Variants in RBMS3 observed in about 807,000 individuals in gnomAD.
RBMS3 encodes the protein RNA binding motif single stranded interacting protein 3, also known as RNA-binding motif, single-stranded-interacting protein 3.
Under a neutral mutation model 66.8 loss-of-function variants are expected in RBMS3, and 27 were observed. The ratio of observed to expected loss-of-function variants is 0.40; its 90% CI spans 0.30 to 0.56. The LOEUF (loss-of-function observed/expected upper bound fraction) is 0.56. RBMS3 is among the 20% of genes least tolerant of loss of function. RBMS3 has a pLI of 0.40. For missense variants in RBMS3, 513 were observed against 549.5 expected, an observed-to-expected ratio of 0.93 and a Z score of 0.66; for synonymous variants, 188 against 183.0, an observed-to-expected ratio of 1.03 and a Z score of -0.22.
At chr3:29,521,615 G>T (rs2044859927) in intron 3 of RBMS3, among the ~76,000 whole-genome samples, 1 of 152,162 alleles carries the variant, frequency 6.6e-6, no homozygotes, top group Non-Finnish European at 1.5e-5. Flanking sequence ...TAAAAATTTT[G>T]TTTGCTACTT....
At chr3:29,495,470 G>C (rs1378187605) in intron 3 of RBMS3, among the ~76,000 whole-genome samples, 1 of 147,758 alleles carries the variant, frequency 6.8e-6, no homozygotes. Flanking sequence ...ACCCAGGCTG[G>C]AGTGCAGTGG....
intron 4 of RBMS3, among the ~76,000 whole-genome samples, chr3:29,656,129 T>C (rs1180734192): frequency 2.0e-5 from 3 of 152,094 alleles, no homozygotes; most frequent in Non-Finnish European, 4.4e-5. Context: ...ATAAGGTTAA[T>C]TTATTATTGA....
intron 4 of RBMS3, among the ~76,000 whole-genome samples, chr3:29,630,214 A>G (rs1175655436): frequency 6.6e-6 from 1 of 152,064 alleles, no homozygotes; most frequent in Non-Finnish European, 1.5e-5. Context: ...AATGTAGAGT[A>G]GGACTTTCAT....
intron 14 of RBMS3, 188 bp downstream of exon 14, chr3:29,991,397 T>G (rs762109658): frequency 1.2e-5 from 10 of 864,120 alleles, no homozygotes; most frequent in African/African-American, 3.4e-5. Context: ...CTTCTGATCT[T>G]GACAGGAATC....
rs1328328415 is a variant in RBMS3 at position 29,940,771 on chromosome 3, AG to A, written c.1051-3435del. Among the ~76,000 whole-genome samples, 25 of 147,940 alleles carry A rather than the reference AG, an allele frequency of 1.7e-4. 1 individual carries two copies. The South Asian group carries it at 4.1e-3, about 24-fold the overall frequency. On this transcript the variant is annotated intron_variant, in intron 11 of 14. Transcript: ENST00000383767. ...ATCTGCAGGCCTCAAAAAAAAAAAAAGTGCATCTTATGCAAGCAGTGTAACT... is the reference window on the plus strand; with the variant it reads ...ATCTGCAGGCCTCAAAAAAAAAAAAATGCATCTTATGCAAGCAGTGTAACT...
chr3:29,915,837 C>A (rs2060625433), intron 10 of RBMS3, among the ~76,000 whole-genome samples: 1 of 151,954 alleles, frequency 6.6e-6, no homozygotes, highest in African/African-American at 2.4e-5. Context: ...AGAAAAGAAG[C>A]AAGAAACGTA....
At chr3:29,579,142 A>T (rs1245175679) in intron 3 of RBMS3, among the ~76,000 whole-genome samples, 1 of 152,130 alleles carries the variant, frequency 6.6e-6, no homozygotes. Context: ...TGTAGAATTC[A>T]CTTTTCTTCT....
At chr3:29,695,239 AAACT>A (rs2052211481) in intron 4 of RBMS3, among the ~76,000 whole-genome samples, 1 of 152,194 alleles carries the variant, frequency 6.6e-6, no homozygotes, top group Non-Finnish European at 1.5e-5. Context: ...AGGATAAATA[AAACT>A]AACAAATTTT....
chr3:30,010,157 A>G lies in RBMS3; in HGVS notation c.*6295A>G, dbSNP rs1195200471. The G allele has an allele frequency of 1.3e-5, 2 of 151,786 alleles. No homozygotes were observed. Among genetic ancestry groups the G allele is most frequent in the Non-Finnish European group, 2.9e-5 (2 of 67,958 alleles). The allele number at this position is 151,786 out of a possible 1,614,324, so 9.4% of individuals were successfully genotyped here. Reference sequence around the variant, plus strand: ...TCATGGAACTTCTGAAACATCATTCAATTTTGAACTTTATTTAAGAGCATT... The same window carrying G: ...TCATGGAACTTCTGAAACATCATTCGATTTTGAACTTTATTTAAGAGCATT... On this transcript the variant is annotated 3_prime_UTR_variant, in exon 15 of 15. Coordinates refer to ENST00000383767, the MANE Select transcript of RBMS3 (RefSeq NM_001003793.3).
chr3:29,564,817 A>T (rs925897649), intron 3 of RBMS3, among the ~76,000 whole-genome samples: 6 of 152,156 alleles, frequency 3.9e-5, no homozygotes, highest in African/African-American at 1.4e-4. Flanking sequence ...CAGCTTAGGC[A>T]GGTCAGTTTC....
Position 29,324,423 on chromosome 3 carries a change from G to A in RBMS3, c.75+42667G>A, listed in dbSNP as rs182954317. 5.3e-5 allele frequency among the ~76,000 whole-genome samples: 8 copies of A among 152,312 alleles called. No individual in the cohort carries two copies. In the East Asian group the frequency reaches 1.3e-3, roughly 26 times the overall value. On this transcript the variant is annotated intron_variant, in intron 1 of 14. Transcript: ENST00000383767. ...GATTAACATTTGCCTCAAGAGCCAGGTCTTCTCATGTAATTGGTTCTCTTT... is the reference window on the plus strand; with the variant it reads ...GATTAACATTTGCCTCAAGAGCCAGATCTTCTCATGTAATTGGTTCTCTTT...
At chr3:29,817,848 AAC>A (rs2057957931) in intron 6 of RBMS3, among the ~76,000 whole-genome samples, 1 of 152,088 alleles carries the variant, frequency 6.6e-6, no homozygotes, top group African/African-American at 2.4e-5. Flanking sequence ...TTGTAGTTTC[AAC>A]AGTCTACTTC....
chr3:29,524,176 G>T (rs1401472804), intron 3 of RBMS3, among the ~76,000 whole-genome samples: 1 of 152,040 alleles, frequency 6.6e-6, no homozygotes, highest in Non-Finnish European at 1.5e-5. Context: ...GAAGAAACAG[G>T]TTCATATACC....
chr3:29,455,485 G>A (rs1031956596), intron 2 of RBMS3, among the ~76,000 whole-genome samples: 1 of 152,120 alleles, frequency 6.6e-6, no homozygotes, highest in Non-Finnish European at 1.5e-5. Context: ...AAAGTGTAGG[G>A]TAAGATTCCC....
At position 29,595,998 on chromosome 3, in the gene RBMS3, C is replaced by T. The variant is rs115679594; in HGVS notation, c.399+8793C>T. Among the ~76,000 whole-genome samples the T allele has an allele frequency of 4.1e-3, 627 of 152,174 alleles. 3 individuals are homozygous for T. Among genetic ancestry groups the T allele is most frequent in the African/African-American group, 0.015 (603 of 41,502 alleles). ...GCTCTTGCTCTCAAACTCACAAGAC[C>T]GGTGAGTTATTATTTCTCCCATTTG... On this transcript the variant is annotated intron_variant, in intron 4 of 14. Coordinates refer to ENST00000383767, the MANE Select transcript of RBMS3 (RefSeq NM_001003793.3).
At chr3:29,762,556 A>G (rs967762143) in intron 5 of RBMS3, among the ~76,000 whole-genome samples, 5 of 152,140 alleles carry the variant, frequency 3.3e-5, no homozygotes, top group African/African-American at 1.2e-4. Context: ...TGACAATAAA[A>G]AGACTTACCC....
chr3:29,604,678 A>G (rs959231187), intron 4 of RBMS3, among the ~76,000 whole-genome samples: 1 of 151,996 alleles, frequency 6.6e-6, no homozygotes, highest in Admixed American at 6.6e-5. Context: ...AATTCCTTCA[A>G]TTAGAGTTGG....
chr3:29,576,510 T>C (rs2047126232), intron 3 of RBMS3, among the ~76,000 whole-genome samples: 1 of 152,140 alleles, frequency 6.6e-6, no homozygotes, highest in African/African-American at 2.4e-5. Flanking sequence ...CAAAAAACCC[T>C]TGGCCTCTAC....
intron 4 of RBMS3, among the ~76,000 whole-genome samples, chr3:29,710,769 C>A (rs2149305660): frequency 6.6e-6 from 1 of 152,274 alleles, no homozygotes; most frequent in Non-Finnish European, 1.5e-5. Context: ...TTACCATTTT[C>A]TTTAGAGGCT....
Sources: allele counts gnomAD v4.1 joint callset (sites outside exome capture counted in the v4.1 genomes callset), GRCh38; gene constraint gnomAD v4.1.1; transcripts MANE v1.5; gene names NCBI Gene and HGNC (gene_info 2026-07-23, HGNC 2026-07-21).